The following CAST variants were observed in gnomAD, a reference collection of about 807,000 sequenced individuals.
CAST encodes calpastatin.
In CAST, 76 loss-of-function variants were observed where a neutral mutation model predicts 119.6. That is an observed-to-expected ratio of 0.64 (90% CI 0.53 to 0.77). CAST has a LOEUF of 0.77. Among genes scored for constraint, CAST ranks in the 30% least tolerant of loss-of-function variants. The pLI is 0.00. For missense variants in CAST, 953 were observed against 946.5 expected, an observed-to-expected ratio of 1.01 and a Z score of -0.09; for synonymous variants, 319 against 331.6, an observed-to-expected ratio of 0.96 and a Z score of 0.41.
the CAST span, among the ~76,000 whole-genome samples, chr5:96,156,383 T>G: frequency 0.011 from 1,719 of 152,280 alleles, 15 homozygotes; most frequent in Non-Finnish European, 0.019. Flanking sequence ...CCTAATTCAG[T>G]CTTCAAAGGA....
At chr5:96,432,186 A>C in the CAST span, 1 of 1,497,798 alleles carries the variant, frequency 6.7e-7, no homozygotes, top group Non-Finnish European at 9.0e-7. Flanking sequence ...CTTGGACTTT[A>C]TAAGTTCCCA....
chr5:96,534,749 GAAAGA>G (rs1463425716), intron 1 of CAST, among the ~76,000 whole-genome samples: 1 of 47,386 alleles, frequency 2.1e-5, no homozygotes, highest in African/African-American at 9.0e-5. Flanking sequence ...GAGAAAGAAA[GAAAGA>G]AAGAAAGAAA....
chr5:96,462,621 G>C, the CAST span, among the ~76,000 whole-genome samples: 1 of 151,940 alleles, frequency 6.6e-6, no homozygotes, highest in Non-Finnish European at 1.5e-5. Flanking sequence ...AAATTTAAAA[G>C]GGTTAAATGA....
chr5:96,761,618 A>T (rs1203616347), intron 24 of CAST: 2 of 152,306 alleles, frequency 1.3e-5, no homozygotes, highest in Non-Finnish European at 2.9e-5. Context: ...ATCAACAGTT[A>T]TACCTAAGTT....
the CAST span, among the ~76,000 whole-genome samples, chr5:96,373,267 A>G: frequency 6.6e-6 from 1 of 152,182 alleles, no homozygotes; most frequent in Non-Finnish European, 1.5e-5. Context: ...TGTGGGCTGG[A>G]GATTAGATGA....
At chr5:96,593,619 C>A (rs923653019) in intron 1 of CAST, among the ~76,000 whole-genome samples, 2 of 152,152 alleles carry the variant, frequency 1.3e-5, no homozygotes, top group African/African-American at 4.8e-5. Flanking sequence ...ATGTAATGTG[C>A]ATGTAAAATG....
the CAST span, among the ~76,000 whole-genome samples, chr5:96,132,533 C>T: frequency 6.6e-6 from 1 of 152,012 alleles, no homozygotes; most frequent in Non-Finnish European, 1.5e-5. Flanking sequence ...TACTTTTGTA[C>T]CCACTAAACA....
intron 1 of CAST, among the ~76,000 whole-genome samples, chr5:96,606,940 C>T (rs1024973112): frequency 2.6e-5 from 4 of 152,174 alleles, no homozygotes; most frequent in Admixed American, 6.5e-5. Context: ...GAATAAGGCC[C>T]GCAATCTGTG....
At chr5:96,458,741 G>T in the CAST span, among the ~76,000 whole-genome samples, 1 of 151,790 alleles carries the variant, frequency 6.6e-6, no homozygotes, top group Admixed American at 6.6e-5. Flanking sequence ...AACTTTTAAG[G>T]GATGTCATAA....
intron 20 of CAST, among the ~76,000 whole-genome samples, chr5:96,750,978 G>A (rs1350862006): frequency 3.3e-5 from 5 of 151,838 alleles, no homozygotes; most frequent in Non-Finnish European, 7.4e-5. Flanking sequence ...CATCTTTTAA[G>A]CCTATATGGA....
intron 2 of CAST, among the ~76,000 whole-genome samples, chr5:96,684,913 A>T (rs1395613516): frequency 6.6e-6 from 1 of 152,066 alleles, no homozygotes; most frequent in Non-Finnish European, 1.5e-5. Flanking sequence ...GAAGCTAAGG[A>T]TGTACTTTTT....
chr5:96,587,437 C>G (rs1746880601), intron 1 of CAST, among the ~76,000 whole-genome samples: 1 of 152,160 alleles, frequency 6.6e-6, no homozygotes, highest in South Asian at 2.1e-4. Context: ...GGTAAATATA[C>G]AGAGAGGACT....
intron 1 of CAST, among the ~76,000 whole-genome samples, chr5:96,573,189 G>A (rs1453456390): frequency 6.6e-6 from 1 of 152,108 alleles, no homozygotes; most frequent in Non-Finnish European, 1.5e-5. Context: ...ACTGGGTAAG[G>A]GCCAGATGGT....
intron 25 of CAST, among the ~76,000 whole-genome samples, chr5:96,764,415 A>T (rs1225405286): frequency 1.3e-5 from 2 of 152,182 alleles, no homozygotes; most frequent in Admixed American, 1.3e-4. Flanking sequence ...TTACAGTGAT[A>T]TTGTTGTCCA....
the CAST span, among the ~76,000 whole-genome samples, chr5:96,169,515 T>A: frequency 1.5e-4 from 23 of 152,228 alleles, no homozygotes; most frequent in Non-Finnish European, 2.9e-4. Flanking sequence ...TTGTCCGGTT[T>A]TTGGACAGGT....
At chr5:96,542,001 C>G (rs1368284112) in intron 1 of CAST, among the ~76,000 whole-genome samples, 2 of 152,182 alleles carry the variant, frequency 1.3e-5, no homozygotes, top group African/African-American at 4.8e-5. Flanking sequence ...ATTGCGGGAT[C>G]ATATGTTAAG....
chr5:96,600,034 T>C (rs1168626704), intron 1 of CAST, among the ~76,000 whole-genome samples: 2 of 151,240 alleles, frequency 1.3e-5, no homozygotes, highest in African/African-American at 2.4e-5. Context: ...TTTTGTATCA[T>C]TTCTTCCAAA....
chr5:96,080,963 T>C, the CAST span, among the ~76,000 whole-genome samples: 2 of 152,218 alleles, frequency 1.3e-5, no homozygotes, highest in Non-Finnish European at 2.9e-5. Context: ...GCTTTGGTAT[T>C]GTATTTTCAA....
chr5:96,349,999 A>T, the CAST span, among the ~76,000 whole-genome samples: 6 of 152,214 alleles, frequency 3.9e-5, no homozygotes, highest in African/African-American at 9.6e-5. Flanking sequence ...TTGACAATCG[A>T]CTAAATTGCT....
Sources: gnomAD v4.1 joint callset for allele counts (sites outside exome capture counted in the v4.1 genomes callset) on GRCh38, gnomAD v4.1.1 for gene constraint, MANE v1.5 for transcripts, NCBI Gene and HGNC (gene_info 2026-07-23, HGNC 2026-07-21) for gene names.